Variants in CNTN5 observed in about 807,000 individuals in gnomAD.
The protein encoded by CNTN5 is contactin-5.
A neutral mutation model predicts 129.1 loss-of-function variants in CNTN5; 77 were observed. That is an observed-to-expected ratio of 0.60 (90% CI 0.50 to 0.72). The LOEUF is 0.72. CNTN5 is among the 30% of genes least tolerant of loss of function. CNTN5 has a pLI of 0.00. For synonymous variants in CNTN5, 509 were observed against 465.6 expected, an observed-to-expected ratio of 1.09 and a Z score of -1.20; for missense variants, 1,478 against 1,328.8, an observed-to-expected ratio of 1.11 and a Z score of -1.75.
chr11:99,121,681 C>G (rs574329204), intron 1 of CNTN5, among the ~76,000 whole-genome samples: 1 of 152,086 alleles, frequency 6.6e-6, no homozygotes, highest in African/African-American at 2.4e-5. Flanking sequence ...GTTACTTGCT[C>G]GGGGGCAGCA....
At chr11:99,236,201 G>A (rs1205425232) in intron 1 of CNTN5, among the ~76,000 whole-genome samples, 1 of 152,082 alleles carries the variant, frequency 6.6e-6, no homozygotes. Flanking sequence ...CAAAATGATT[G>A]AGTTAACTTG....
At chr11:99,052,009 T>C (rs1426733157) in intron 1 of CNTN5, among the ~76,000 whole-genome samples, 1 of 151,762 alleles carries the variant, frequency 6.6e-6, no homozygotes, top group Non-Finnish European at 1.5e-5. Flanking sequence ...TGTAGTTCAG[T>C]AGAGAAAATA....
intron 7 of CNTN5, among the ~76,000 whole-genome samples, chr11:99,941,571 A>AACACACAC (rs71305315): frequency 6.7e-6 from 1 of 148,270 alleles, no homozygotes; most frequent in South Asian, 2.1e-4. Flanking sequence ...ACATAAGACA[A>AACACACAC]ACACACACAC....
intron 6 of CNTN5, among the ~76,000 whole-genome samples, chr11:99,868,209 T>C (rs1279756558): frequency 6.9e-6 from 1 of 145,790 alleles, no homozygotes; most frequent in East Asian, 2.0e-4. Flanking sequence ...AGAACAAAAC[T>C]CCATCTCATA....
chr11:99,620,874 A>G lies in CNTN5; in HGVS notation c.55+64605A>G, dbSNP rs557264123. On this transcript the variant is annotated intron_variant, in intron 3 of 24. Coordinates refer to ENST00000524871, the MANE Select transcript of CNTN5 (RefSeq NM_014361.4). Reference sequence around the variant, plus strand: ...TGAAAGTAAATATACACCAATAGAGACAGAAAAATAAAAACTTTAGAGAAA... The same window carrying G: ...TGAAAGTAAATATACACCAATAGAGGCAGAAAAATAAAAACTTTAGAGAAA... 2.6e-5 allele frequency among the ~76,000 whole-genome samples: 4 copies of G among 152,286 alleles called. No individual in the cohort carries two copies. The East Asian group carries it at 7.7e-4, about 29-fold the overall frequency.
intron 4 of CNTN5, among the ~76,000 whole-genome samples, chr11:99,820,859 C>T (rs184234585): frequency 2.6e-5 from 4 of 152,236 alleles, no homozygotes; most frequent in East Asian, 3.9e-4. Flanking sequence ...AGATACATCT[C>T]GAAGGAACTA....
chr11:99,124,664 C>A (rs1858528928), intron 1 of CNTN5, among the ~76,000 whole-genome samples: 2 of 151,570 alleles, frequency 1.3e-5, no homozygotes, highest in Non-Finnish European at 2.9e-5. Context: ...TACAAATAAT[C>A]AACAAATCTA....
intron 2 of CNTN5, among the ~76,000 whole-genome samples, chr11:99,398,351 C>T (rs1274408543): frequency 6.6e-6 from 1 of 151,958 alleles, no homozygotes; most frequent in Non-Finnish European, 1.5e-5. Flanking sequence ...TCCTATTCTG[C>T]ATTCCAACCT....
chr11:100,205,355 A>C (rs1184148581), intron 15 of CNTN5, among the ~76,000 whole-genome samples: 11 of 152,084 alleles, frequency 7.2e-5, no homozygotes, highest in African/African-American at 2.7e-4. Flanking sequence ...ACAGCACAAA[A>C]ATCAGCTTTA....
chr11:99,170,912 AACC>A (rs1861117454), intron 1 of CNTN5, among the ~76,000 whole-genome samples: 1 of 152,204 alleles, frequency 6.6e-6, no homozygotes, highest in Non-Finnish European at 1.5e-5. Context: ...GTCAATTTAC[AACC>A]TTTAGAAACA....
chr11:99,439,209 T>C (rs907596645), intron 2 of CNTN5, among the ~76,000 whole-genome samples: 2 of 145,602 alleles, frequency 1.4e-5, no homozygotes, highest in Admixed American at 6.7e-5. Flanking sequence ...CCAGTACGGC[T>C]ATAGCACAGA....
intron 2 of CNTN5, among the ~76,000 whole-genome samples, chr11:99,500,193 C>T (rs550763535): frequency 3.6e-4 from 55 of 152,250 alleles, no homozygotes; most frequent in African/African-American, 1.3e-3. Flanking sequence ...ATTTTTGCCA[C>T]TGAAAGTATT....
At chr11:99,624,689 C>A (rs1352534594) in intron 3 of CNTN5, among the ~76,000 whole-genome samples, 1 of 152,104 alleles carries the variant, frequency 6.6e-6, no homozygotes. Context: ...ATGGTGAAAT[C>A]CATTCTGAGA....
chr11:100,148,523 A>G (rs1015881910), intron 13 of CNTN5, among the ~76,000 whole-genome samples: 5 of 152,118 alleles, frequency 3.3e-5, no homozygotes, highest in Admixed American at 6.5e-5. Flanking sequence ...TCACCCCCCA[A>G]ACCGGTGTAA....
intron 8 of CNTN5, among the ~76,000 whole-genome samples, chr11:99,988,090 C>A (rs1938808874): frequency 6.6e-6 from 1 of 152,140 alleles, no homozygotes; most frequent in African/African-American, 2.4e-5. Context: ...CCATATCATA[C>A]ACAGAGGCTT....
At chr11:100,136,937 A>G (rs1309468459) in intron 13 of CNTN5, among the ~76,000 whole-genome samples, 1 of 151,952 alleles carries the variant, frequency 6.6e-6, no homozygotes, top group Non-Finnish European at 1.5e-5. Context: ...AAGGAAAATT[A>G]GAGAAATTAA....
At chr11:100,181,269 C>G (rs1272224135) in intron 13 of CNTN5, among the ~76,000 whole-genome samples, 1 of 150,628 alleles carries the variant, frequency 6.6e-6, no homozygotes, top group Non-Finnish European at 1.5e-5. Context: ...GGATGAGCCT[C>G]CAGGCAGGAA....
At chr11:100,038,876 TG>T (rs1942200831) in intron 9 of CNTN5, among the ~76,000 whole-genome samples, 1 of 152,178 alleles carries the variant, frequency 6.6e-6, no homozygotes, top group African/African-American at 2.4e-5. Flanking sequence ...GCACGTGAGG[TG>T]GGTTTCCTGA....
chr11:100,038,224 T>C (rs1415670887), intron 9 of CNTN5, among the ~76,000 whole-genome samples: 2 of 152,190 alleles, frequency 1.3e-5, no homozygotes, highest in African/African-American at 4.8e-5. Flanking sequence ...TTTCGTTATG[T>C]ACCCAGTAGT....
Sources: allele counts gnomAD v4.1 joint callset (sites outside exome capture counted in the v4.1 genomes callset), GRCh38; gene constraint gnomAD v4.1.1; transcripts MANE v1.5; gene names NCBI Gene and HGNC (gene_info 2026-07-23, HGNC 2026-07-21).